TTC34: variants seen among roughly 807,000 people sequenced by gnomAD.
The protein encoded by TTC34 is tetratricopeptide repeat domain 34, also known as tetratricopeptide repeat protein 34.
In TTC34, 44 loss-of-function variants were observed where a neutral mutation model predicts 40.7. The observed-to-expected ratio is 1.08, with a 90% CI of 0.85 to 1.39. TTC34 has a LOEUF of 1.39. TTC34 is among the 40% of genes most tolerant of loss of function. The pLI, the probability that TTC34 is intolerant of heterozygous loss-of-function variation, is 0.00. For synonymous variants in TTC34, 422 were observed against 398.6 expected, an observed-to-expected ratio of 1.06 and a Z score of -0.70; for missense variants, 884 against 838.0, an observed-to-expected ratio of 1.05 and a Z score of -0.68.
chr1:2,688,193 G>T (rs1341330290), intron 6 of TTC34, among the ~76,000 whole-genome samples: 5 of 151,956 alleles, frequency 3.3e-5, no homozygotes, highest in Admixed American at 3.3e-4. Flanking sequence ...GGACAGCCTG[G>T]AGCAGCACCC....
At chr1:2,687,393 A>T (rs1401900457) in intron 6 of TTC34, among the ~76,000 whole-genome samples, 12 of 56,870 alleles carry the variant, frequency 2.1e-4, no homozygotes, top group African/African-American at 8.5e-4. Flanking sequence ...ACAGCCTGGA[A>T]CGGCACCCAC....
intron 4 of TTC34, among the ~76,000 whole-genome samples, chr1:2,787,187 G>A (rs555713209): frequency 4.3e-4 from 65 of 152,290 alleles, no homozygotes; most frequent in African/African-American, 1.5e-3. Context: ...CTTATGCTTC[G>A]TAACCACAGT....
chr1:2,748,503 C>T (rs1569683200), intron 6 of TTC34, among the ~76,000 whole-genome samples: 3 of 47,484 alleles, frequency 6.3e-5, no homozygotes, highest in African/African-American at 1.1e-4. Flanking sequence ...ATCCGATAGC[C>T]TGGAGCAGCA....
intron 6 of TTC34, among the ~76,000 whole-genome samples, chr1:2,683,816 C>T (rs1211685424): frequency 6.9e-5 from 10 of 145,706 alleles, no homozygotes; most frequent in Admixed American, 2.1e-4. Context: ...ATCTGACAGC[C>T]GGGAACAGCA....
rs1299306874 is a variant in TTC34, at chr1:2,796,849, G to T, written c.784+3195C>A. Among the ~76,000 whole-genome samples, 1 of 152,096 alleles carries T rather than the reference G, an allele frequency of 6.6e-6. No homozygotes were observed. Among genetic ancestry groups the T allele is most frequent in the Admixed American group, 6.5e-5 (1 of 15,276 alleles). ...AGAAACAAATTTTCCTGCTCACTTT[G>T]CAGCTCTCTCTAACTGGTTCCTGCC... On this transcript the variant is annotated intron_variant, in intron 2 of 8. Coordinates refer to ENST00000401095, the Ensembl canonical transcript of TTC34. The surrounding 1 kb of genome is among the most constrained non-coding windows in gnomAD (Gnocchi z 4.5).
At chr1:2,750,347 T>G (rs1175869018) in intron 6 of TTC34, among the ~76,000 whole-genome samples, 2 of 69,304 alleles carry the variant, frequency 2.9e-5, no homozygotes, top group Non-Finnish European at 5.0e-5. Context: ...TCTGACAGCC[T>G]TGAACAGCAC....
chr1:2,642,686 C>T (rs1290431350), intron 8 of TTC34, among the ~76,000 whole-genome samples: 1 of 152,252 alleles, frequency 6.6e-6, no homozygotes, highest in Non-Finnish European at 1.5e-5. Flanking sequence ...GGTGCAGGCC[C>T]CGCCTTTCTC....
intron 6 of TTC34, among the ~76,000 whole-genome samples, chr1:2,659,537 AGC>A (rs1639464243): frequency 1.5e-5 from 1 of 65,360 alleles, no homozygotes; most frequent in Non-Finnish European, 4.4e-5. Context: ...CCCATGGAGC[AGC>A]ACACACGCCC....
At chr1:2,780,856 C>T (rs1166490712) in intron 6 of TTC34, among the ~76,000 whole-genome samples, 4 of 152,146 alleles carry the variant, frequency 2.6e-5, no homozygotes, top group Admixed American at 6.5e-5. Context: ...GTAATACTGA[C>T]GTCTTACCAA....
chr1:2,790,409 G>T (rs1232964143), intron 2 of TTC34, 63 bp from the exon 3 acceptor site: 2 of 398,080 alleles, frequency 5.0e-6, no homozygotes, highest in Non-Finnish European at 8.8e-6. Flanking sequence ...GGTGCCACCT[G>T]CAAGTCCCCA....
At chr1:2,772,891 C>T (rs1642476151) in intron 6 of TTC34, among the ~76,000 whole-genome samples, 1 of 111,740 alleles carries the variant, frequency 8.9e-6, no homozygotes. Flanking sequence ...GGAGCAGAAC[C>T]CCACACCCCC....
rs1397606175 is a variant in TTC34 at position 2,645,440 on chromosome 1, C to T, written c.2350G>A (p.Ala784Thr). 5.9e-6 allele frequency: 9 copies of T among 1,535,554 alleles called. No homozygotes were observed. Among genetic ancestry groups the T allele is most frequent in the Non-Finnish European group, 7.8e-6 (9 of 1,146,682 alleles). ...GTGTCTGGCAGCTGGCTCAGAAGGG[C>T]CCGGCAGTGGGAGTAGAGGCCCTGT... The change falls in exon 7 of 9, where the codon GCC becomes ACC. Residue 784 changes from alanine (A) to threonine (T), a missense_variant. By Grantham distance (58) the Ala-to-Thr change is moderately conservative. Transcript: ENST00000401095. This position sits in a 1 kb window ranked among gnomAD's most constrained non-coding sequence, Gnocchi z 4.7.
chr1:2,687,920 C>T, intron 6 of TTC34, among the ~76,000 whole-genome samples: 1 of 148,088 alleles, frequency 6.8e-6, no homozygotes, highest in Non-Finnish European at 1.5e-5. Context: ...TGGAACAGCA[C>T]CCACACGCCC....
intron 6 of TTC34, among the ~76,000 whole-genome samples, chr1:2,750,651 G>A (rs1173942930): frequency 4.1e-5 from 5 of 122,044 alleles, no homozygotes; most frequent in African/African-American, 7.0e-5. Context: ...CACACCCCCA[G>A]GTGAGCATCT....
intron 8 of TTC34, among the ~76,000 whole-genome samples, chr1:2,642,261 C>T (rs1310088326): frequency 6.6e-6 from 1 of 152,170 alleles, no homozygotes; most frequent in African/African-American, 2.4e-5. Flanking sequence ...GCCCTACCGC[C>T]CCACCGGCTG....
chr1:2,686,645 C>G (rs796822749), intron 6 of TTC34, among the ~76,000 whole-genome samples: 6 of 85,342 alleles, frequency 7.0e-5, no homozygotes, highest in South Asian at 3.7e-4. Flanking sequence ...CCCACACACC[C>G]AGGTGAGCAT....
exon 9 of TTC34, chr1:2,641,893 C>T (rs888586495): frequency 2.4e-5 from 36 of 1,478,636 alleles, no homozygotes; most frequent in African/African-American, 2.4e-4. Context: ...CCTGGGCCGC[C>T]GCCTGCACAG....
intron 6 of TTC34, among the ~76,000 whole-genome samples, chr1:2,654,153 C>T (rs1557587371): frequency 8.1e-4 from 45 of 55,760 alleles, no homozygotes; most frequent in African/African-American, 1.6e-3. Context: ...TCTGAACGCA[C>T]GGAGCAGCAC....
exon 4 of TTC34, chr1:2,787,683 A>G (rs1343727429): frequency 6.5e-7 from 1 of 1,547,448 alleles, no homozygotes. Context: ...CAGTGTGGCC[A>G]GCTGGTGCAC....
Sources: allele counts gnomAD v4.1 joint callset (sites outside exome capture counted in the v4.1 genomes callset), GRCh38; gene constraint gnomAD v4.1.1; non-coding constraint Gnocchi (gnomAD v3.1); transcripts MANE v1.5; gene names NCBI Gene and HGNC (gene_info 2026-07-23, HGNC 2026-07-21).